Variants in LINGO2 observed in about 807,000 individuals in gnomAD.
The protein encoded by LINGO2 is leucine-rich repeat and immunoglobulin-like domain-containing nogo receptor-interacting protein 2.
A neutral mutation model predicts 30.6 loss-of-function variants in LINGO2; 14 were observed. The observed-to-expected ratio is 0.46, with a 90% CI of 0.30 to 0.72. The LOEUF (loss-of-function observed/expected upper bound fraction) is 0.72. LINGO2 is among the 30% of genes least tolerant of loss of function. The probability of loss-of-function intolerance (pLI) is 0.07; values close to 1 mark genes in which losing one functional copy is unlikely to be tolerated. For missense variants in LINGO2, 729 were observed against 751.7 expected (o/e 0.97, Z 0.35); for synonymous variants, 317 against 288.5 (o/e 1.10, Z -1.00).
the LINGO2 span, among the ~76,000 whole-genome samples, chr9:28,880,227 C>A: frequency 6.6e-6 from 1 of 152,116 alleles, no homozygotes; most frequent in Non-Finnish European, 1.5e-5. Context: ...AAAGAGAGAT[C>A]TGACTGTTAC....
intron 4 of LINGO2, among the ~76,000 whole-genome samples, chr9:28,066,727 G>C (rs960170557): frequency 1.3e-4 from 19 of 151,976 alleles, no homozygotes; most frequent in African/African-American, 4.6e-4. Flanking sequence ...TTTAGAAAGG[G>C]TCTTTAAGAA....
intron 4 of LINGO2, among the ~76,000 whole-genome samples, chr9:28,065,876 C>A (rs1363492427): frequency 1.3e-5 from 2 of 151,900 alleles, no homozygotes; most frequent in African/African-American, 4.8e-5. Flanking sequence ...CACAAAAACC[C>A]CAGAAATATT....
At chr9:28,680,364 G>A in the LINGO2 span, among the ~76,000 whole-genome samples, 4 of 151,912 alleles carry the variant, frequency 2.6e-5, no homozygotes, top group African/African-American at 4.8e-5. Flanking sequence ...TTCATCTGAT[G>A]AGAAACAATT....
At chr9:28,278,465 AG>A (rs1823208076) in intron 4 of LINGO2, among the ~76,000 whole-genome samples, 1 of 152,294 alleles carries the variant, frequency 6.6e-6, no homozygotes, top group East Asian at 1.9e-4. Flanking sequence ...GGGCTAATGC[AG>A]CTGGTGACTT....
At chr9:28,359,819 C>T (rs1354973163) in intron 3 of LINGO2, among the ~76,000 whole-genome samples, 1 of 152,148 alleles carries the variant, frequency 6.6e-6, no homozygotes, top group African/African-American at 2.4e-5. Flanking sequence ...ACTTTGCAGG[C>T]ATGCTTCCCT....
intron 4 of LINGO2, among the ~76,000 whole-genome samples, chr9:28,180,019 A>T (rs1029672578): frequency 2.0e-5 from 3 of 152,096 alleles, no homozygotes; most frequent in Admixed American, 6.6e-5. Context: ...GTCTGTAATG[A>T]CATTTAGCCT....
chr9:28,427,636 T>G (rs1189470279), intron 2 of LINGO2, among the ~76,000 whole-genome samples: 2 of 152,146 alleles, frequency 1.3e-5, no homozygotes, highest in Non-Finnish European at 2.9e-5. Flanking sequence ...TAAACTTGTC[T>G]CTTCATCAAT....
chr9:28,421,639 A>G (rs565045222), intron 2 of LINGO2, among the ~76,000 whole-genome samples: 16 of 152,240 alleles, frequency 1.1e-4, no homozygotes, highest in African/African-American at 3.1e-4. Context: ...GAGAACCCAC[A>G]TATGTGAAAA....
At chr9:28,743,154 T>C in the LINGO2 span, among the ~76,000 whole-genome samples, 5 of 152,136 alleles carry the variant, frequency 3.3e-5, no homozygotes, top group Admixed American at 1.3e-4. Flanking sequence ...AGTATCTTCA[T>C]TCACCATCAT....
intron 1 of LINGO2, among the ~76,000 whole-genome samples, chr9:28,604,114 T>C (rs555785951): frequency 2.7e-4 from 41 of 152,110 alleles, no homozygotes; most frequent in Admixed American, 2.6e-3. Flanking sequence ...TAATTCCAGG[T>C]GGCAGGACAG....
chr9:28,039,678 G>C (rs16912344), intron 4 of LINGO2, among the ~76,000 whole-genome samples: 3,059 of 152,064 alleles, frequency 0.02, 99 homozygotes, highest in African/African-American at 0.069. Flanking sequence ...TCTTTATGGA[G>C]TATACTTCTG....
chr9:28,235,342 A>G (rs1004051507), intron 4 of LINGO2, among the ~76,000 whole-genome samples: 2 of 152,194 alleles, frequency 1.3e-5, no homozygotes, highest in Admixed American at 6.5e-5. Flanking sequence ...GTCCCTTTGA[A>G]TACCTGGAAA....
At chr9:29,082,768 C>A in the LINGO2 span, among the ~76,000 whole-genome samples, 4 of 152,174 alleles carry the variant, frequency 2.6e-5, no homozygotes, top group East Asian at 5.8e-4. Context: ...AACAAGTGGG[C>A]GAAGGATATG....
At chr9:28,681,532 A>G in the LINGO2 span, among the ~76,000 whole-genome samples, 1,519 of 152,142 alleles carry the variant, frequency 1.0e-2, 47 homozygotes, top group South Asian at 0.077. Context: ...AAACAAACAC[A>G]CAAAAAAGAA....
rs192255319 is a variant in LINGO2 at position 28,610,304 on chromosome 9, T to C, written c.-365+59896A>G. 9.0e-4 allele frequency among the ~76,000 whole-genome samples: 136 copies of C among 151,402 alleles called. No individual in the cohort carries two copies. The Middle Eastern group carries it at 0.01, about 11-fold the overall frequency. On this transcript the variant is annotated intron_variant, in intron 1 of 5. Transcript: ENST00000379992. ...GTTTTTATCAGATTAGTAATATCAA[T>C]GCAAGAGCAAGTTTTTCTGTGTTTT...
the LINGO2 span, among the ~76,000 whole-genome samples, chr9:28,890,042 T>G: frequency 6.6e-6 from 1 of 152,074 alleles, no homozygotes; most frequent in Non-Finnish European, 1.5e-5. Context: ...TAAAATTTCA[T>G]GCACTCATGC....
chr9:29,202,667 A>G, the LINGO2 span, among the ~76,000 whole-genome samples: 1 of 152,076 alleles, frequency 6.6e-6, no homozygotes, highest in Non-Finnish European at 1.5e-5. Context: ...ATTTGAAACC[A>G]TTTATTTCTA....
At chr9:28,425,258 TTA>T (rs1180264636) in intron 2 of LINGO2, among the ~76,000 whole-genome samples, 1 of 147,836 alleles carries the variant, frequency 6.8e-6, no homozygotes, top group East Asian at 2.0e-4. Context: ...AATATATGTA[TTA>T]TATATTATAT....
chr9:29,145,852 A>T, the LINGO2 span, among the ~76,000 whole-genome samples: 2 of 152,210 alleles, frequency 1.3e-5, no homozygotes, highest in Non-Finnish European at 2.9e-5. Context: ...ATAATTGCAT[A>T]TTATAGAAGA....
Sources: gnomAD v4.1 joint callset for allele counts (sites outside exome capture counted in the v4.1 genomes callset) on GRCh38, gnomAD v4.1.1 for gene constraint, MANE v1.5 for transcripts, NCBI Gene and HGNC (gene_info 2026-07-23, HGNC 2026-07-21) for gene names.